CLVS1: variants seen among roughly 807,000 people sequenced by gnomAD.
CLVS1 encodes clavesin-1.
In CLVS1, 10 loss-of-function variants were observed where a neutral mutation model predicts 33.1. The ratio of observed to expected loss-of-function variants is 0.30; its 90% CI spans 0.19 to 0.51. CLVS1 has a LOEUF of 0.51. Ranked by LOEUF, CLVS1 falls within the 20% of genes least tolerant of loss-of-function variation. The pLI is 0.97. For synonymous variants in CLVS1, 163 were observed against 166.1 expected (o/e 0.98, Z 0.14); for missense variants, 343 against 433.4 (o/e 0.79, Z 1.85).
At chr8:61,237,441 G>A (rs1427788431) in intron 2 of CLVS1, among the ~76,000 whole-genome samples, 4 of 152,082 alleles carry the variant, frequency 2.6e-5, no homozygotes, top group African/African-American at 9.7e-5. Flanking sequence ...GAGCAAGACT[G>A]GAAAAAGAGG....
At chr8:61,401,436 A>C (rs377099003) in intron 3 of CLVS1, among the ~76,000 whole-genome samples, 2 of 152,092 alleles carry the variant, frequency 1.3e-5, no homozygotes, top group African/African-American at 2.4e-5. Context: ...GTTTTGAAGA[A>C]GTTTCCTTCT....
At position 61,180,393 on chromosome 8, in the gene CLVS1, C is replaced by T. The variant is rs145842143; in HGVS notation, c.-152+48533C>T. On this transcript the variant is annotated intron_variant, in intron 2 of 2. Transcript: ENST00000522621. ...GCCCAGGACCAGGTGGATTCACAGC[C>T]AAACTCTACTGGAGATACAAAGAAG... 9.0e-3 allele frequency among the ~76,000 whole-genome samples: 1,377 copies of T among 152,196 alleles called. 12 individuals carry two copies. The highest frequency in any genetic ancestry group is 0.015 in the Non-Finnish European group (1,016 of 67,992).
At chr8:61,237,841 AC>A (rs1286703656) in intron 2 of CLVS1, among the ~76,000 whole-genome samples, 3 of 150,780 alleles carry the variant, frequency 2.0e-5, no homozygotes, top group African/African-American at 7.2e-5. Flanking sequence ...GTTCAGAGAC[AC>A]AGGGAGCCCA....
At chr8:61,194,629 T>C (rs2978511) in intron 2 of CLVS1, among the ~76,000 whole-genome samples, 78,334 of 151,554 alleles carry the variant, frequency 0.52, 20,972 homozygotes, top group Middle Eastern at 0.69. Context: ...ACATACATCT[T>C]TCAAAAGTTG....
At chr8:61,389,243 A>G (rs1042750182) in intron 3 of CLVS1, among the ~76,000 whole-genome samples, 2 of 152,208 alleles carry the variant, frequency 1.3e-5, no homozygotes, top group Non-Finnish European at 1.5e-5. Context: ...TATAGACAAT[A>G]TCAAGAAATA....
At chr8:61,257,999 G>A (rs1467603086) in intron 2 of CLVS1, among the ~76,000 whole-genome samples, 2 of 152,140 alleles carry the variant, frequency 1.3e-5, no homozygotes, top group African/African-American at 4.8e-5. Context: ...AGAGAGCCAG[G>A]AGCAGGGGGA....
chr8:61,196,692 A>G (rs1252502276), intron 2 of CLVS1, among the ~76,000 whole-genome samples: 1 of 152,198 alleles, frequency 6.6e-6, no homozygotes, highest in Non-Finnish European at 1.5e-5. Context: ...ATGGAGGAAC[A>G]AACGTGTTTG....
upstream of CLVS1, among the ~76,000 whole-genome samples, chr8:61,053,507 G>A (rs11998473): frequency 0.1 from 15,423 of 152,228 alleles, 1,100 homozygotes; most frequent in African/African-American, 0.2. Context: ...ATAGCAAAGT[G>A]GGGGCTATTG....
At chr8:61,189,467 A>G (rs1479372784) in intron 2 of CLVS1, among the ~76,000 whole-genome samples, 2 of 152,252 alleles carry the variant, frequency 1.3e-5, no homozygotes, top group African/African-American at 4.8e-5. Flanking sequence ...TGCATCAACT[A>G]ATGAGCAAAA....
At chr8:61,016,647 G>C in the CLVS1 span, among the ~76,000 whole-genome samples, 3 of 152,202 alleles carry the variant, frequency 2.0e-5, no homozygotes, top group Admixed American at 6.5e-5. Flanking sequence ...GGGGGTGGGG[G>C]AAGAAAACTG....
chr8:61,394,880 G>A (rs1261989333), intron 3 of CLVS1, among the ~76,000 whole-genome samples: 1 of 152,156 alleles, frequency 6.6e-6, no homozygotes, highest in African/African-American at 2.4e-5. Flanking sequence ...CATTCTAACA[G>A]GTATGAGGTA....
chr8:61,249,902 A>G (rs970725290), intron 2 of CLVS1, among the ~76,000 whole-genome samples: 10 of 152,148 alleles, frequency 6.6e-5, no homozygotes, highest in Admixed American at 2.0e-4. Context: ...TTTGCTATGG[A>G]GAAGCTCTTT....
At chr8:61,139,032 G>A (rs1301659804) in intron 2 of CLVS1, among the ~76,000 whole-genome samples, 1 of 152,274 alleles carries the variant, frequency 6.6e-6, no homozygotes, top group Non-Finnish European at 1.5e-5. Context: ...AGAAGCACCC[G>A]CGCTGCGGGA....
the CLVS1 span, among the ~76,000 whole-genome samples, chr8:60,999,907 AAG>A: frequency 1.3e-5 from 2 of 152,190 alleles, no homozygotes; most frequent in Non-Finnish European, 2.9e-5. Flanking sequence ...GAAAGCGGGT[AAG>A]AGAAAGTCTA....
intron 2 of CLVS1, among the ~76,000 whole-genome samples, chr8:61,268,300 AATG>A (rs936740019): frequency 5.3e-5 from 8 of 151,902 alleles, no homozygotes; most frequent in Non-Finnish European, 1.0e-4. Context: ...GTGTACTGAG[AATG>A]ATGTTTTCCA....
At chr8:61,492,974 C>G (rs1804145286) in intron 5 of CLVS1, among the ~76,000 whole-genome samples, 1 of 152,168 alleles carries the variant, frequency 6.6e-6, no homozygotes, top group Admixed American at 6.5e-5. Flanking sequence ...TTATCAAGGT[C>G]ACTATCGAAT....
chr8:61,333,661 A>G (rs1004941956), intron 2 of CLVS1, among the ~76,000 whole-genome samples: 1 of 152,324 alleles, frequency 6.6e-6, no homozygotes, highest in East Asian at 1.9e-4. Flanking sequence ...CTGGGAACAC[A>G]AGATCTGTAA....
At chr8:61,129,106 T>C (rs1449850990) in intron 1 of CLVS1, among the ~76,000 whole-genome samples, 1 of 152,260 alleles carries the variant, frequency 6.6e-6, no homozygotes, top group Admixed American at 6.5e-5. Context: ...AACCCTCAGC[T>C]GATTCACTGT....
chr8:61,477,747 C>G (rs1818009344), intron 5 of CLVS1, among the ~76,000 whole-genome samples: 1 of 152,078 alleles, frequency 6.6e-6, no homozygotes, highest in Non-Finnish European at 1.5e-5. Context: ...TTCAAAAAAC[C>G]AGCTCCTGGA....
Sources: gnomAD v4.1 joint callset for allele counts (sites outside exome capture counted in the v4.1 genomes callset) on GRCh38, gnomAD v4.1.1 for gene constraint, MANE v1.5 for transcripts, NCBI Gene and HGNC (gene_info 2026-07-23, HGNC 2026-07-21) for gene names.